ACTL6A: variants seen among roughly 807,000 people sequenced by gnomAD.
ACTL6A encodes actin like 6A.
A neutral mutation model predicts 59.2 loss-of-function variants in ACTL6A; 5 were observed. The observed-to-expected ratio is 0.08, with a 90% CI of 0.04 to 0.18. The LOEUF is 0.18. Ranked by LOEUF, ACTL6A falls within the 10% of genes least tolerant of loss-of-function variation. The probability of loss-of-function intolerance (pLI) is 1.00; values close to 1 mark genes in which losing one functional copy is unlikely to be tolerated. For missense variants in ACTL6A, 285 were observed against 526.9 expected, an observed-to-expected ratio of 0.54 and a Z score of 4.49; for synonymous variants, 154 against 171.8, an observed-to-expected ratio of 0.90 and a Z score of 0.81.
At chr3:179,567,976 A>G (rs1717888341) in intron 1 of ACTL6A, among the ~76,000 whole-genome samples, 1 of 152,162 alleles carries the variant, frequency 6.6e-6, no homozygotes, top group Non-Finnish European at 1.5e-5. Flanking sequence ...GTTTGAGACC[A>G]GCCTGGCCAA....
chr3:179,566,981 G>A (rs1424151554), intron 1 of ACTL6A, among the ~76,000 whole-genome samples: 3 of 151,588 alleles, frequency 2.0e-5, no homozygotes, highest in Admixed American at 6.6e-5. Flanking sequence ...GAGCCACCGC[G>A]CGCCCTGCCT....
intron 8 of ACTL6A, among the ~76,000 whole-genome samples, chr3:179,578,952 C>G (rs899083712): frequency 7.9e-5 from 12 of 152,018 alleles, no homozygotes; most frequent in African/African-American, 1.2e-4. Context: ...TCTTAGTTGG[C>G]CAGGCTGGTC....
At chr3:179,574,943 A>G in intron 5 of ACTL6A, 1 of 176,662 alleles carries the variant, frequency 5.7e-6, no homozygotes. Flanking sequence ...TTCCAGGATT[A>G]CTGAAGCACG....
At chr3:179,576,123 A>G (rs1215064904) in intron 5 of ACTL6A, 94 bp from the exon 6 acceptor site, 1 of 860,854 alleles carries the variant, frequency 1.2e-6, no homozygotes, top group African/African-American at 1.7e-5. Context: ...CATGTTTAAG[A>G]AATAGTTTCT....
At chr3:179,582,706 C>A (rs1160734059) in intron 11 of ACTL6A, among the ~76,000 whole-genome samples, 2 of 151,624 alleles carry the variant, frequency 1.3e-5, no homozygotes, top group African/African-American at 4.9e-5. Flanking sequence ...TCCTAACTTA[C>A]AGATAAGCAT....
intron 11 of ACTL6A, 153 bp from the exon 12 acceptor site, chr3:179,583,200 T>G (rs1037028786): frequency 5.6e-5 from 28 of 500,380 alleles, no homozygotes; most frequent in Non-Finnish European, 9.4e-5. Flanking sequence ...GATGGAGAAT[T>G]GATGGATTAA....
In ACTL6A at chr3:179,573,335, G is replaced by T. The variant is rs1424302623; in HGVS notation, c.278-34G>T. On this transcript the variant is annotated intron_variant, in intron 3 of 13. Coordinates refer to ENST00000429709, the MANE Select transcript of ACTL6A (RefSeq NM_004301.5). ...AGATGCTATATTCATCTTCAACTAT[G>T]CATTATTTCCAAGTTACTAATCTTA... 1.3e-5 allele frequency: 17 copies of T among 1,349,094 alleles called. No individual in the cohort carries two copies. The Middle Eastern group carries it at 1.1e-3, about 87-fold the overall frequency. 83.6% of individuals were successfully genotyped at this position (1,349,094 alleles called of 1,614,324 possible).
At chr3:179,587,837 A>T in intron 13 of ACTL6A, 93 bp from the exon 14 acceptor site, 2 of 920,364 alleles carry the variant, frequency 2.2e-6, no homozygotes, top group Non-Finnish European at 3.3e-6. Flanking sequence ...CCTGGCTGAC[A>T]GAGCAAGACC....
chr3:179,586,695 A>G, intron 13 of ACTL6A, 63 bp downstream of exon 13: 1 of 1,316,172 alleles, frequency 7.6e-7, no homozygotes, highest in Non-Finnish European at 1.1e-6. Flanking sequence ...TAGTAAAAAT[A>G]CAAAAAATAA....
chr3:179,575,642 T>C (rs1306199194), intron 5 of ACTL6A: 1 of 347,500 alleles, frequency 2.9e-6, no homozygotes, highest in East Asian at 7.8e-5. Context: ...ATTCAGGTAG[T>C]ATAGGCCATC....
intron 11 of ACTL6A, 58 bp downstream of exon 11, chr3:179,581,278 C>A: frequency 7.2e-7 from 1 of 1,385,316 alleles, no homozygotes; most frequent in South Asian, 1.2e-5. Context: ...TGAAATGTCC[C>A]CAAATCATTG....
intron 3 of ACTL6A, among the ~76,000 whole-genome samples, chr3:179,572,632 C>T (rs1718043178): frequency 6.6e-6 from 1 of 152,076 alleles, no homozygotes; most frequent in Non-Finnish European, 1.5e-5. Context: ...TGGTGAAACC[C>T]TGTCTCTACT....
rs1243140243 is a variant in ACTL6A, at chr3:179,588,303, A to C, written c.*293A>C. 1 of 276,454 alleles carries C rather than the reference A, an allele frequency of 3.6e-6. No homozygotes were observed. 17.1% of individuals were successfully genotyped at this position (276,454 alleles called of 1,614,324 possible). On this transcript the variant is annotated 3_prime_UTR_variant, in exon 14 of 14. Transcript: ENST00000429709. ...AACTCTGTTTAGTGTATTAATTACCAGTGGATTGGTAGAACTGCTTTTTAT... is the reference window on the plus strand; with the variant it reads ...AACTCTGTTTAGTGTATTAATTACCCGTGGATTGGTAGAACTGCTTTTTAT...
chr3:179,572,575 T>G (rs2108359248), intron 3 of ACTL6A, among the ~76,000 whole-genome samples: 1 of 152,136 alleles, frequency 6.6e-6, no homozygotes, highest in East Asian at 1.9e-4. Context: ...GAGGCTGAGG[T>G]GGGTGGATCA....
intron 11 of ACTL6A, among the ~76,000 whole-genome samples, chr3:179,581,830 G>T (rs982382533): frequency 6.6e-6 from 1 of 152,116 alleles, no homozygotes; most frequent in South Asian, 2.1e-4. Context: ...TAACTGAAAC[G>T]ATGTACAGTA....
chr3:179,563,192 C>G, intron 1 of ACTL6A, 75 bp downstream of exon 1: 1 of 1,538,572 alleles, frequency 6.5e-7, no homozygotes, highest in South Asian at 1.2e-5. Context: ...CCCAGCCCTC[C>G]CCTCCCCGGC....
At chr3:179,566,882 G>A (rs1717852737) in intron 1 of ACTL6A, among the ~76,000 whole-genome samples, 1 of 151,976 alleles carries the variant, frequency 6.6e-6, no homozygotes, top group African/African-American at 2.4e-5. Context: ...GTAGAGTTGG[G>A]GTTTCACCAT....
At chr3:179,575,355 T>C (rs1159609309) in intron 5 of ACTL6A, 1 of 456,506 alleles carries the variant, frequency 2.2e-6, no homozygotes, top group South Asian at 1.5e-5. Flanking sequence ...AGGTTTCCCT[T>C]TTACATCACC....
chr3:179,580,559 A>G, intron 8 of ACTL6A, 81 bp from the exon 9 acceptor site: 1 of 997,442 alleles, frequency 1.0e-6, no homozygotes, highest in Non-Finnish European at 1.5e-6. Flanking sequence ...CATTCAGAAA[A>G]GTATTTAAAA....
Sources: gnomAD v4.1 joint callset for allele counts (sites outside exome capture counted in the v4.1 genomes callset) on GRCh38, gnomAD v4.1.1 for gene constraint, MANE v1.5 for transcripts, NCBI Gene and HGNC (gene_info 2026-07-23, HGNC 2026-07-21) for gene names.